CACNA1E: variants seen among roughly 807,000 people sequenced by gnomAD.
CACNA1E encodes the protein calcium voltage-gated channel subunit alpha1 E.
A neutral mutation model predicts 259.2 loss-of-function variants in CACNA1E; 40 were observed. That is an observed-to-expected ratio of 0.15 (90% CI 0.12 to 0.20). The LOEUF (loss-of-function observed/expected upper bound fraction) is 0.20. CACNA1E is among the 10% of genes least tolerant of loss of function. CACNA1E has a pLI of 1.00. For synonymous variants in CACNA1E, 1,104 were observed against 1,138.5 expected (o/e 0.97, Z 0.61); for missense variants, 1,874 against 3,040.1 (o/e 0.62, Z 9.02).
chr1:181,323,517 C>T (rs1488467246), intron 1 of CACNA1E, among the ~76,000 whole-genome samples: 2 of 152,150 alleles, frequency 1.3e-5, no homozygotes, highest in Non-Finnish European at 2.9e-5. Flanking sequence ...ATGATTCTGT[C>T]TCCCTTCCCT....
intron 7 of CACNA1E, among the ~76,000 whole-genome samples, chr1:181,689,615 G>C (rs1277796781): frequency 6.6e-6 from 1 of 151,968 alleles, no homozygotes; most frequent in Non-Finnish European, 1.5e-5. Flanking sequence ...AAGCATTCCT[G>C]TTCCTCCACA....
At chr1:181,418,333 T>C (rs890405386) in intron 2 of CACNA1E, among the ~76,000 whole-genome samples, 2 of 152,166 alleles carry the variant, frequency 1.3e-5, no homozygotes, top group African/African-American at 2.4e-5. Flanking sequence ...TCCTATGTTG[T>C]GGGTTGCTTC....
At chr1:181,572,387 A>G (rs1650506453) in intron 3 of CACNA1E, among the ~76,000 whole-genome samples, 1 of 152,160 alleles carries the variant, frequency 6.6e-6, no homozygotes, top group South Asian at 2.1e-4. Context: ...TTCTCTTCCT[A>G]TTTGCTGACA....
chr1:181,607,463 C>T (rs1654338999), intron 6 of CACNA1E, among the ~76,000 whole-genome samples: 2 of 152,160 alleles, frequency 1.3e-5, no homozygotes, highest in South Asian at 4.1e-4. Context: ...ATGCACCTTC[C>T]TCCCCTTCCC....
chr1:181,755,479 C>T, intron 28 of CACNA1E, 82 bp downstream of exon 28: 2 of 1,072,474 alleles, frequency 1.9e-6, no homozygotes, highest in Non-Finnish European at 2.8e-6. Flanking sequence ...GTCCACCCTC[C>T]CTCCTTTCTA....
intron 1 of CACNA1E, among the ~76,000 whole-genome samples, chr1:181,394,499 C>T (rs1474034714): frequency 6.6e-6 from 1 of 152,100 alleles, no homozygotes; most frequent in Admixed American, 6.5e-5. Context: ...ATAAAACAGA[C>T]ATAGATACCG....
chr1:181,563,932 T>C (rs7547301), intron 3 of CACNA1E, among the ~76,000 whole-genome samples: 3,902 of 152,278 alleles, frequency 0.026, 78 homozygotes, highest in Non-Finnish European at 0.036. Context: ...GTGTAGTCTA[T>C]TAAGTGTGCA....
intron 2 of CACNA1E, among the ~76,000 whole-genome samples, chr1:181,417,656 C>A (rs1658368846): frequency 6.6e-6 from 1 of 152,194 alleles, no homozygotes; most frequent in South Asian, 2.1e-4. Context: ...CTACTTTTCC[C>A]TTTTCTATTC....
At chr1:181,576,186 C>A (rs1217732363) in intron 3 of CACNA1E, among the ~76,000 whole-genome samples, 1 of 152,190 alleles carries the variant, frequency 6.6e-6, no homozygotes, top group African/African-American at 2.4e-5. Flanking sequence ...GGATTTCTTT[C>A]TGCTTCTTAT....
intron 1 of CACNA1E, among the ~76,000 whole-genome samples, chr1:181,335,212 A>T (rs1056191125): frequency 1.3e-5 from 2 of 152,146 alleles, no homozygotes; most frequent in African/African-American, 4.8e-5. Flanking sequence ...CAGGATCCAC[A>T]CTGTCTTTCC....
chr1:181,338,968 A>G (rs1651934082), intron 1 of CACNA1E, among the ~76,000 whole-genome samples: 1 of 150,698 alleles, frequency 6.6e-6, no homozygotes, highest in South Asian at 2.1e-4. Flanking sequence ...AAATTAGTTG[A>G]CTGTCTATGC....
At chr1:181,645,963 G>A (rs1658230792) in intron 6 of CACNA1E, among the ~76,000 whole-genome samples, 1 of 152,234 alleles carries the variant, frequency 6.6e-6, no homozygotes. Flanking sequence ...TGGCCTGTGA[G>A]GTGCAGGAGG....
chr1:181,778,275 C>T (rs1660132040), intron 38 of CACNA1E, among the ~76,000 whole-genome samples: 1 of 152,176 alleles, frequency 6.6e-6, no homozygotes, highest in African/African-American at 2.4e-5. Flanking sequence ...CACTCCCAAC[C>T]CACCTACTTC....
chr1:181,704,830 A>C (rs1652636545), intron 7 of CACNA1E, among the ~76,000 whole-genome samples: 1 of 152,106 alleles, frequency 6.6e-6, no homozygotes, highest in African/African-American at 2.4e-5. Context: ...GAGAGGCTAA[A>C]ACATGAGTCA....
chr1:181,774,851 A>G (rs1040560882), intron 37 of CACNA1E, among the ~76,000 whole-genome samples: 1 of 152,172 alleles, frequency 6.6e-6, no homozygotes, highest in Admixed American at 6.5e-5. Flanking sequence ...GTTGTTATCT[A>G]TCAGGCAGGA....
intron 3 of CACNA1E, among the ~76,000 whole-genome samples, chr1:181,538,573 G>A (rs1332943776): frequency 6.6e-6 from 1 of 152,198 alleles, no homozygotes; most frequent in African/African-American, 2.4e-5. Context: ...GTGGAAGAGA[G>A]TGACAAGAAG....
chr1:181,369,227 AATTG>A (rs1654509071), intron 1 of CACNA1E, among the ~76,000 whole-genome samples: 1 of 152,248 alleles, frequency 6.6e-6, no homozygotes, highest in Non-Finnish European at 1.5e-5. Context: ...AATTTCCACT[AATTG>A]AAGCCTTGCT....
At chr1:181,600,401 G>T (rs1653623032) in intron 6 of CACNA1E, among the ~76,000 whole-genome samples, 1 of 152,236 alleles carries the variant, frequency 6.6e-6, no homozygotes, top group Non-Finnish European at 1.5e-5. Flanking sequence ...TATGCTGAAA[G>T]ATCACTCTAC....
At chr1:181,632,612 G>A (rs137988019) in intron 6 of CACNA1E, among the ~76,000 whole-genome samples, 60 of 152,236 alleles carry the variant, frequency 3.9e-4, no homozygotes, top group African/African-American at 1.3e-3. Context: ...TGATTTGTTT[G>A]GCCCAGTTTT....
Sources: gnomAD v4.1 joint callset for allele counts (sites outside exome capture counted in the v4.1 genomes callset) on GRCh38, gnomAD v4.1.1 for gene constraint, MANE v1.5 for transcripts, NCBI Gene and HGNC (gene_info 2026-07-23, HGNC 2026-07-21) for gene names.